The following FAM110A variants were observed in gnomAD, a reference collection of about 807,000 sequenced individuals.
FAM110A encodes the protein family with sequence similarity 110 member A, also known as protein FAM110A.
Under a neutral mutation model 4.0 loss-of-function variants are expected in FAM110A, and 1 was observed. The ratio of observed to expected loss-of-function variants is 0.25; its 90% CI spans 0.09 to 1.20. The LOEUF (loss-of-function observed/expected upper bound fraction) is 1.20. Among genes scored for constraint, FAM110A ranks in the 50% most tolerant of loss-of-function variants. FAM110A has a pLI of 0.50. For missense variants in FAM110A, 436 were observed against 429.2 expected, an observed-to-expected ratio of 1.02 and a Z score of -0.14; for synonymous variants, 217 against 196.8, an observed-to-expected ratio of 1.10 and a Z score of -0.86.
rs1979491194 is a variant in FAM110A, at chr20:834,911, T to A, written c.-98+960T>A. 6.6e-6 allele frequency among the ~76,000 whole-genome samples: 1 copy of A among 152,212 alleles called. No homozygotes were observed. The highest frequency in any genetic ancestry group is 1.5e-5 in the Non-Finnish European group (1 of 68,038). On this transcript the variant is annotated intron_variant, in intron 1 of 1. Coordinates refer to ENST00000381941, the MANE Select transcript of FAM110A (RefSeq NM_001042353.3). The surrounding 1 kb of genome is among the most constrained non-coding windows in gnomAD (Gnocchi z 5.6). ...GAAAACAAGGCTTTCTTTTATTCTT[T>A]CAACAAATATTATTTATTGACTTCA...
At chr20:839,672 A>G in intron 1 of FAM110A, 2 of 1,226,022 alleles carry the variant, frequency 1.6e-6, no homozygotes, top group Non-Finnish European at 2.4e-6. Flanking sequence ...GTAGGGTGGC[A>G]GGAACAATCT....
chr20:844,979 G>A lies in FAM110A; in HGVS notation c.175G>A (p.Val59Met), dbSNP rs1298562531. ...DKAKYVKSLH[V>M]ANTRQEPVQP... Reference sequence around the variant, plus strand: ...GGCCAAGTACGTCAAGAGCCTGCACGTGGCCAACACCCGCCAGGAGCCTGT... The same window carrying A: ...GGCCAAGTACGTCAAGAGCCTGCACATGGCCAACACCCGCCAGGAGCCTGT... The change falls in exon 2 of 2, where the codon GTG becomes ATG. Residue 59 changes from valine (V) to methionine (M), a missense_variant. By Grantham distance (21) the Val-to-Met change is conservative (BLOSUM62 1). Coordinates refer to ENST00000381941, the MANE Select transcript of FAM110A (RefSeq NM_001042353.3). 2 of 1,595,904 alleles carry A rather than the reference G, an allele frequency of 1.3e-6. No individual in the cohort carries two copies. Among genetic ancestry groups the A allele is most frequent in the African/African-American group, 1.3e-5 (1 of 74,408 alleles).
rs774266816 is a variant in FAM110A, at chr20:845,580, G to T, written c.776G>T (p.Arg259Leu). The T allele has an allele frequency of 5.0e-6, 8 of 1,613,830 alleles. No individual in the cohort carries two copies. Among genetic ancestry groups the T allele is most frequent in the Non-Finnish European group, 6.8e-6 (8 of 1,179,986 alleles). Residue 259 changes from arginine (R) to leucine (L), a missense_variant, in exon 2 of 2, where the codon CGG becomes CTG. Arg to Leu is a moderately radical substitution (Grantham distance 102). Transcript: ENST00000381941. ...CGCAGCTCGGTGACTGTTGAGGAGCGGGCCCGGGAGCGCGTTCCCTATGGC... is the reference window on the plus strand; with the variant it reads ...CGCAGCTCGGTGACTGTTGAGGAGCTGGCCCGGGAGCGCGTTCCCTATGGC... The part of the protein sequence containing the change: ...SRRSSVTVEE[R>L]ARERVPYGVS...
chr20:836,670 T>C (rs1337931864), intron 1 of FAM110A, among the ~76,000 whole-genome samples: 1 of 152,230 alleles, frequency 6.6e-6, no homozygotes, highest in African/African-American at 2.4e-5. Context: ...TGAGCATGAA[T>C]GTACAAATAT....
intron 1 of FAM110A, among the ~76,000 whole-genome samples, chr20:844,410 G>A (rs910412928): frequency 6.7e-6 from 1 of 149,554 alleles, no homozygotes; most frequent in Admixed American, 6.7e-5. Context: ...CCTTTAGCGC[G>A]TGCCTTGCCC....
At chr20:844,534 G>A (rs1327070491) in intron 1 of FAM110A, among the ~76,000 whole-genome samples, 174 bp from the exon 2 acceptor site, 1 of 152,072 alleles carries the variant, frequency 6.6e-6, no homozygotes, top group Non-Finnish European at 1.5e-5. Flanking sequence ...GAGGGGGTGT[G>A]GGTGGGGCCT....
rs995260334 is a variant in FAM110A at position 834,281 on chromosome 20, G to C, written c.-98+330G>C. On this transcript the variant is annotated intron_variant, in intron 1 of 1. Coordinates refer to ENST00000381941, the MANE Select transcript of FAM110A (RefSeq NM_001042353.3). This position sits in a 1 kb window ranked among gnomAD's most constrained non-coding sequence, Gnocchi z 5.6. Reference sequence around the variant, plus strand: ...ATCACATATCCCCGCGCCCCACACTGTCCTCGGGATACCCCCTTTGGGCGT... The same window carrying C: ...ATCACATATCCCCGCGCCCCACACTCTCCTCGGGATACCCCCTTTGGGCGT... Among the ~76,000 whole-genome samples the C allele has an allele frequency of 6.6e-6, 1 of 152,214 alleles. No homozygotes were observed. The highest frequency in any genetic ancestry group is 6.5e-5 in the Admixed American group (1 of 15,286).
intron 1 of FAM110A, among the ~76,000 whole-genome samples, chr20:836,734 G>C (rs184192379): frequency 6.6e-5 from 10 of 152,322 alleles, no homozygotes; most frequent in African/African-American, 2.4e-4. Flanking sequence ...AAGTGGAATT[G>C]CTGGGTGATC....
In FAM110A at chr20:845,601, A is replaced by G. The variant is rs1368951712; in HGVS notation, c.797A>G (p.Tyr266Cys). Residue 266 changes from tyrosine to cysteine, a missense_variant, in exon 2 of 2, where the codon TAT becomes TGT. Physicochemically the swap from Tyr to Cys is radical, Grantham distance 194. Transcript: ENST00000381941. The stretch of plus-strand genomic sequence containing the variant: ...GAGCGGGCCCGGGAGCGCGTTCCCT[A>G]TGGCGTGTCGGTGGTGGAGCGCAAT... ...VEERARERVP[Y>C]GVSVVERNAR... The G allele has an allele frequency of 1.3e-5, 21 of 1,613,762 alleles. No homozygotes were observed. Among genetic ancestry groups the G allele is most frequent in the East Asian group, 2.2e-5 (1 of 44,844 alleles).
chr20:842,354 C>T (rs1423857604), intron 1 of FAM110A, among the ~76,000 whole-genome samples: 6 of 152,208 alleles, frequency 3.9e-5, no homozygotes, highest in African/African-American at 1.4e-4. Flanking sequence ...CCGGCCCCGC[C>T]CGTCTGACCT....
chr20:837,058 T>TTTG (rs1255924489), intron 1 of FAM110A, among the ~76,000 whole-genome samples: 3 of 143,564 alleles, frequency 2.1e-5, no homozygotes, highest in Admixed American at 1.4e-4. Flanking sequence ...TTTTTTTTTT[T>TTTG]TTTTTTTTTT....
In FAM110A at chr20:840,560, C is replaced by T. The variant is rs1467455984; in HGVS notation, c.-97-4148C>T. Among the ~76,000 whole-genome samples, 1 of 152,156 alleles carries T rather than the reference C, an allele frequency of 6.6e-6. No individual in the cohort carries two copies. The highest frequency in any genetic ancestry group is 1.5e-5 in the Non-Finnish European group (1 of 68,030). On this transcript the variant is annotated intron_variant, in intron 1 of 1. Coordinates refer to ENST00000381941, the MANE Select transcript of FAM110A (RefSeq NM_001042353.3). This position sits in a 1 kb window ranked among gnomAD's most constrained non-coding sequence, Gnocchi z 4.4. ...ATTTAAATGAGTATGGTGCCTGGCA[C>T]CCCAAAATTCTAGTTATTGTTGTTA... is the stretch of plus-strand genomic sequence containing the variant.
chr20:839,631 C>T (rs1020887269), intron 1 of FAM110A: 53 of 1,155,226 alleles, frequency 4.6e-5, no homozygotes, highest in Middle Eastern at 5.6e-4. Context: ...ACCTTTAGGC[C>T]GAGGCCTGCC....
chr20:841,311 A>T lies in FAM110A; in HGVS notation c.-97-3397A>T, dbSNP rs1407221843. ...GAGCGCAGGCCAGCGGCGCGGGCGC[A>T]GCCGGGTACGTGCGGACCGCGGCGG... On this transcript the variant is annotated intron_variant, in intron 1 of 1. Transcript: ENST00000381941. The T allele has an allele frequency of 2.6e-5, 4 of 152,162 alleles. No individual in the cohort carries two copies. The South Asian group carries it at 8.3e-4, about 31-fold the overall frequency. The allele number at this position is 152,162 out of a possible 1,614,324, so 9.4% of individuals were successfully genotyped here.
At chr20:841,407 A>C (rs765127748) in intron 1 of FAM110A, 16 of 152,266 alleles carry the variant, frequency 1.1e-4, no homozygotes, top group Non-Finnish European at 2.1e-4. Flanking sequence ...CGGGGCAGGG[A>C]TCTACCTTTC....
intron 1 of FAM110A, among the ~76,000 whole-genome samples, chr20:842,088 C>G (rs1371356918): frequency 2.6e-5 from 4 of 152,242 alleles, no homozygotes; most frequent in Non-Finnish European, 5.9e-5. Context: ...CCATCCTTAT[C>G]GTGACCTGGA....
At position 834,479 on chromosome 20, in the gene FAM110A, T is replaced by C. The variant is rs1979472012; in HGVS notation, c.-98+528T>C. 6.6e-6 allele frequency among the ~76,000 whole-genome samples: 1 copy of C among 152,148 alleles called. No homozygotes were observed. The highest frequency in any genetic ancestry group is 1.5e-5 in the Non-Finnish European group (1 of 68,032). Reference sequence around the variant, plus strand: ...GCCGCTGCTGGCCTCTTGGGAATCATCCCCAGTTTGGGGAAGGGAATAGAG... The same window carrying C: ...GCCGCTGCTGGCCTCTTGGGAATCACCCCCAGTTTGGGGAAGGGAATAGAG... On this transcript the variant is annotated intron_variant, in intron 1 of 1. Coordinates refer to ENST00000381941, the MANE Select transcript of FAM110A (RefSeq NM_001042353.3). This position sits in a 1 kb window ranked among gnomAD's most constrained non-coding sequence, Gnocchi z 5.6.
chr20:839,623 C>G (rs1179931664), intron 1 of FAM110A: 38 of 1,141,000 alleles, frequency 3.3e-5, no homozygotes, highest in Non-Finnish European at 4.1e-5. Flanking sequence ...CCCTCCAGAC[C>G]TTTAGGCCGA....
At chr20:835,179 TC>T in intron 1 of FAM110A, among the ~76,000 whole-genome samples, 1 of 140,642 alleles carries the variant, frequency 7.1e-6, no homozygotes, top group African/African-American at 2.7e-5. Flanking sequence ...TCTCTCTCTC[TC>T]TCTCTCTCTC....
Sources: gnomAD v4.1 joint callset for allele counts (sites outside exome capture counted in the v4.1 genomes callset) on GRCh38, gnomAD v4.1.1 for gene constraint, Gnocchi (gnomAD v3.1) non-coding constraint, MANE v1.5 for transcripts, NCBI Gene and HGNC (gene_info 2026-07-23, HGNC 2026-07-21) for gene names.